Variants in PRIM2 observed in about 807,000 individuals in gnomAD.
PRIM2 encodes DNA primase subunit 2.
Under a neutral mutation model 67.3 loss-of-function variants are expected in PRIM2, and 39 were observed. The ratio of observed to expected loss-of-function variants is 0.58; its 90% CI spans 0.45 to 0.76. The LOEUF (loss-of-function observed/expected upper bound fraction) is 0.76. Ranked by LOEUF, PRIM2 falls within the 30% of genes least tolerant of loss-of-function variation. The probability of loss-of-function intolerance (pLI) is 0.00; values close to 1 mark genes in which losing one functional copy is unlikely to be tolerated. For missense variants in PRIM2, 398 were observed against 598.7 expected (o/e 0.66, Z 3.50); for synonymous variants, 143 against 198.7 (o/e 0.72, Z 2.36).
chr6:57,375,413 A>C (rs1769728467), intron 5 of PRIM2, among the ~76,000 whole-genome samples: 1 of 152,222 alleles, frequency 6.6e-6, no homozygotes, highest in African/African-American at 2.4e-5. Context: ...CCTGGATATG[A>C]AGCCAAGTTG....
chr6:57,276,493 A>C, the PRIM2 span, among the ~76,000 whole-genome samples: 1 of 152,164 alleles, frequency 6.6e-6, no homozygotes, highest in Non-Finnish European at 1.5e-5. Flanking sequence ...ATGTAAATAC[A>C]TATATAATAG....
In PRIM2 at chr6:57,490,759, G is replaced by T. The variant is rs1307478847; in HGVS notation, c.694-16628G>T. Among the ~76,000 whole-genome samples the T allele has an allele frequency of 1.3e-3, 192 of 152,276 alleles. 5 individuals carry two copies. In the East Asian group the frequency reaches 0.016, roughly 13 times the overall value. ...CTCTGAAGGCAGAAGGAAAAGCAGA[G>T]ATAGAAAATATATATTTTTTATTTT... On this transcript the variant is annotated intron_variant, in intron 7 of 13. Transcript: ENST00000615550.
chr6:57,342,465 G>A (rs1289891706), intron 5 of PRIM2, among the ~76,000 whole-genome samples: 1 of 152,136 alleles, frequency 6.6e-6, no homozygotes, highest in East Asian at 1.9e-4. Context: ...GTCAGCTTTG[G>A]CAGCTGTCAG....
intron 7 of PRIM2, among the ~76,000 whole-genome samples, chr6:57,416,347 A>G (rs1771262661): frequency 2.6e-5 from 4 of 152,182 alleles, no homozygotes; most frequent in Non-Finnish European, 5.9e-5. Context: ...GGCTTAAAAT[A>G]TTCAGTAAAC....
chr6:57,240,404 G>T, the PRIM2 span, among the ~76,000 whole-genome samples: 3 of 152,084 alleles, frequency 2.0e-5, no homozygotes, highest in Admixed American at 1.3e-4. Context: ...CCTGGCCAGG[G>T]TCAAGAATCT....
intron 9 of PRIM2, among the ~76,000 whole-genome samples, chr6:57,534,637 T>C (rs1380251878): frequency 2.0e-5 from 3 of 152,222 alleles, no homozygotes; most frequent in East Asian, 1.9e-4. Flanking sequence ...ATCAGTCTTC[T>C]GGTCAGAACC....
intron 7 of PRIM2, among the ~76,000 whole-genome samples, chr6:57,387,430 A>G (rs1463098691): frequency 6.6e-6 from 1 of 152,244 alleles, no homozygotes; most frequent in African/African-American, 2.4e-5. Flanking sequence ...AAAATGCAGC[A>G]CAGAGAGGCC....
In PRIM2 at chr6:57,345,463, GAT is replaced by G. The variant is rs777341431; in HGVS notation, c.459+19429_459+19430del. On this transcript the variant is annotated intron_variant, in intron 5 of 13. Transcript: ENST00000615550. ...TCTACAGGCGTGAGCCACCATGCCT[GAT>G]ATATATATATGTGTGTGTGTGTGTG... Among the ~76,000 whole-genome samples the G allele has an allele frequency of 7.3e-5, 8 of 109,530 alleles. No individual in the cohort carries two copies. In the East Asian group the frequency reaches 1.0e-3, roughly 14 times the overall value. The allele number at this position is 109,530 out of a possible 152,430, so 71.9% of individuals were successfully genotyped here.
chr6:57,641,229 A>C (rs1331508507), intron 13 of PRIM2, among the ~76,000 whole-genome samples: 3 of 152,116 alleles, frequency 2.0e-5, no homozygotes, highest in Non-Finnish European at 4.4e-5. Flanking sequence ...ACCTTATACA[A>C]AAATTAACTC....
At chr6:57,457,729 G>T (rs79160529) in intron 7 of PRIM2, among the ~76,000 whole-genome samples, 6 of 152,140 alleles carry the variant, frequency 3.9e-5, no homozygotes, top group Admixed American at 1.3e-4. Context: ...GACCCCTTGC[G>T]CTTCCTGGGT....
intron 7 of PRIM2, among the ~76,000 whole-genome samples, chr6:57,469,255 G>C (rs1773279616): frequency 1.3e-5 from 2 of 152,172 alleles, no homozygotes; most frequent in Non-Finnish European, 2.9e-5. Context: ...GTGCCTCCTG[G>C]CAGATTAGCT....
At chr6:57,421,801 A>C (rs1381381911) in intron 7 of PRIM2, among the ~76,000 whole-genome samples, 4 of 152,148 alleles carry the variant, frequency 2.6e-5, no homozygotes, top group African/African-American at 4.8e-5. Context: ...CTGTCTTTGT[A>C]TGCTTTTCTT....
chr6:57,289,210 C>T, the PRIM2 span, among the ~76,000 whole-genome samples: 1 of 151,520 alleles, frequency 6.6e-6, no homozygotes, highest in African/African-American at 2.4e-5. Flanking sequence ...TATCAGTGAT[C>T]GAAGATCAAA....
At chr6:57,629,630 G>A (rs1205458769) in intron 12 of PRIM2, among the ~76,000 whole-genome samples, 2 of 151,820 alleles carry the variant, frequency 1.3e-5, no homozygotes, top group Non-Finnish European at 2.9e-5. Flanking sequence ...TTGCCACCCT[G>A]GTCCATGGAT....
At chr6:57,301,787 ACTCTAGC>A in the PRIM2 span, among the ~76,000 whole-genome samples, 2 of 152,170 alleles carry the variant, frequency 1.3e-5, no homozygotes, top group Non-Finnish European at 2.9e-5. Context: ...GTTCTACTGC[ACTCTAGC>A]CTGGGCGACA....
intron 8 of PRIM2, among the ~76,000 whole-genome samples, chr6:57,511,731 G>T (rs1227477967): frequency 6.6e-6 from 1 of 152,032 alleles, no homozygotes; most frequent in African/African-American, 2.4e-5. Flanking sequence ...AACTAAGAAG[G>T]AGAATAAAGA....
chr6:57,454,779 A>G (rs1404704524), intron 7 of PRIM2, among the ~76,000 whole-genome samples: 1 of 151,808 alleles, frequency 6.6e-6, no homozygotes, highest in East Asian at 1.9e-4. Flanking sequence ...TTGTGTCTCT[A>G]TTTCCTTCAG....
intron 7 of PRIM2, among the ~76,000 whole-genome samples, chr6:57,453,546 C>T (rs992265834): frequency 2.0e-5 from 3 of 152,212 alleles, no homozygotes; most frequent in South Asian, 2.1e-4. Context: ...CTCTTTGAAG[C>T]AATTGTGAAT....
chr6:57,227,611 T>A, the PRIM2 span, among the ~76,000 whole-genome samples: 1 of 122,556 alleles, frequency 8.2e-6, no homozygotes, highest in African/African-American at 3.2e-5. Context: ...GCCACTGAAC[T>A]CCAGCCTCAG....
Sources: gnomAD v4.1 joint callset for allele counts (sites outside exome capture counted in the v4.1 genomes callset) on GRCh38, gnomAD v4.1.1 for gene constraint, MANE v1.5 for transcripts, NCBI Gene and HGNC (gene_info 2026-07-23, HGNC 2026-07-21) for gene names.